PYY: variants seen among roughly 807,000 people sequenced by gnomAD.
PYY encodes the protein peptide YY.
Under a neutral mutation model 10.3 loss-of-function variants are expected in PYY, and 12 were observed. The ratio of observed to expected loss-of-function variants is 1.17; its 90% CI spans 0.75 to 1.89. PYY has a LOEUF of 1.89. Among genes scored for constraint, PYY ranks in the 40% most tolerant of loss-of-function variants. PYY has a pLI of 0.00. For synonymous variants in PYY, 66 were observed against 62.0 expected, an observed-to-expected ratio of 1.06 and a Z score of -0.30; for missense variants, 141 against 134.0, an observed-to-expected ratio of 1.05 and a Z score of -0.26.
At chr17:43,971,882 T>C (rs2048796356) in intron 1 of PYY, among the ~76,000 whole-genome samples, 1 of 152,074 alleles carries the variant, frequency 6.6e-6, no homozygotes, top group South Asian at 2.1e-4. Flanking sequence ...TTATCAATTG[T>C]TCTCTTTTGT....
At chr17:43,957,933 C>G (rs757253746), upstream of PYY, 2 of 154,666 alleles carry the variant, frequency 1.3e-5, no homozygotes, top group Non-Finnish European at 2.9e-5. Context: ...AGCTCTCCCT[C>G]TTACCTGAAG....
At chr17:43,953,694 TCCCCAC>T (rs1178145880) in intron 1 of PYY, among the ~76,000 whole-genome samples, 150 bp downstream of exon 1, 1 of 150,946 alleles carries the variant, frequency 6.6e-6, no homozygotes, top group Non-Finnish European at 1.5e-5. Flanking sequence ...CCTGCCTGCC[TCCCCAC>T]CCCCACCCCC....
At chr17:43,978,300 T>TGGAA (rs147178283) in intron 1 of PYY, among the ~76,000 whole-genome samples, 18 of 127,130 alleles carry the variant, frequency 1.4e-4, no homozygotes, top group African/African-American at 1.4e-4. Context: ...GGAAGAAGGA[T>TGGAA]GGAAGGAAGG....
upstream of PYY, among the ~76,000 whole-genome samples, chr17:43,954,610 G>A (rs2048660218): frequency 6.6e-6 from 1 of 152,166 alleles, no homozygotes; most frequent in Admixed American, 6.5e-5. Context: ...GCCAGAAGCA[G>A]CTGAGTCGGC....
intron 2 of PYY, among the ~76,000 whole-genome samples, chr17:43,963,580 AAG>A (rs1483929606): frequency 3.9e-5 from 3 of 76,128 alleles, no homozygotes; most frequent in Non-Finnish European, 5.9e-5. Context: ...AAAAGAAAGA[AAG>A]AAAGAAAGAA....
intron 1 of PYY, among the ~76,000 whole-genome samples, chr17:43,967,947 A>G (rs1567929337): frequency 6.6e-6 from 1 of 152,162 alleles, no homozygotes. Flanking sequence ...AAGGTCTAGC[A>G]CTGAGAGAGA....
At chr17:43,953,227 C>T in intron 2 of PYY, 38 bp from the exon 3 acceptor site, 2 of 1,611,178 alleles carry the variant, frequency 1.2e-6, no homozygotes, top group South Asian at 2.2e-5. Flanking sequence ...TCAGATCTGG[C>T]CACGCCCCCA....
Position 43,952,971 on chromosome 17 carries a change from G to T in PYY, c.279C>A (p.Gly93=). ...TCAGGGGTCCTCACCACAGGTCTGG[G>T]CCCTCCGACCTGCGGAAGCGAAGGG... ...EDRPVRSRSE[G]PDLW is the part of the protein sequence containing the mutation. Residue 93 remains glycine (G), a synonymous_variant, in exon 4 of 4, where the codon GGC becomes GGA. Coordinates refer to ENST00000692052, the MANE Select transcript of PYY (RefSeq NM_001394028.1). The T allele has an allele frequency of 6.4e-7, 1 of 1,566,214 alleles. No individual in the cohort carries two copies.
intron 1 of PYY, among the ~76,000 whole-genome samples, chr17:43,984,826 G>A (rs1022978118): frequency 3.4e-4 from 52 of 152,160 alleles, no homozygotes; most frequent in African/African-American, 1.2e-3. Flanking sequence ...TCTACACCAG[G>A]GCTTGAGCGG....
At chr17:43,963,747 C>A (rs764952562) in intron 2 of PYY, among the ~76,000 whole-genome samples, 2 of 151,792 alleles carry the variant, frequency 1.3e-5, no homozygotes, top group African/African-American at 4.8e-5. Flanking sequence ...GTGGGTGGAT[C>A]GCTTGAGCCC....
Position 43,953,358 on chromosome 17 carries a change from C to A in PYY, c.126G>T (p.Pro42=). ...AGGCGTAGTAGCGGTTCAGCTCCTC[C>A]GGCGAGGCGTCTTCGCGGGGAGCCT... The part of the protein sequence containing the change: ...KPEAPREDAS[P]EELNRYYASL... The change falls in exon 2 of 4, where the codon CCG becomes CCT. Residue 42 remains proline, a synonymous_variant. Transcript: ENST00000692052. The A allele has an allele frequency of 6.2e-7, 1 of 1,612,340 alleles. No individual in the cohort carries two copies. Among genetic ancestry groups the A allele is most frequent in the African/African-American group, 1.3e-5 (1 of 75,032 alleles).
At chr17:43,963,614 G>GAAAGAAAGAA (rs2048732289) in intron 2 of PYY, among the ~76,000 whole-genome samples, 1 of 79,986 alleles carries the variant, frequency 1.3e-5, no homozygotes. Flanking sequence ...AAGAAAGAAA[G>GAAAGAAAGAA]AAAGAAAGAA....
intron 1 of PYY, among the ~76,000 whole-genome samples, chr17:43,971,703 G>A (rs1308135313): frequency 6.7e-6 from 1 of 148,354 alleles, no homozygotes; most frequent in Non-Finnish European, 1.5e-5. Context: ...TAAGTGGGTT[G>A]TTGGTTTTCT....
chr17:44,002,515 G>A (rs944610351), intron 1 of PYY, among the ~76,000 whole-genome samples: 3 of 152,198 alleles, frequency 2.0e-5, no homozygotes, highest in African/African-American at 7.2e-5. Flanking sequence ...ACAACAGAGG[G>A]TCTGACTGGA....
chr17:43,979,112 C>T (rs2700836), intron 1 of PYY, among the ~76,000 whole-genome samples: 143,074 of 152,284 alleles, frequency 0.94, 67,239 homozygotes, highest in East Asian at 1. Context: ...GCTTTTTACA[C>T]GAGGGAAAAA....
At chr17:43,976,383 ATGTATACATATACGTATATACATATT>A (rs1439809198) in intron 1 of PYY, among the ~76,000 whole-genome samples, 2 of 150,692 alleles carry the variant, frequency 1.3e-5, no homozygotes, top group African/African-American at 4.9e-5. Flanking sequence ...ATACACATAC[ATGTATACATATACGTATATACATATT>A]CATGTATACA....
chr17:43,997,298 C>T (rs1310400643), intron 1 of PYY, among the ~76,000 whole-genome samples: 2 of 152,048 alleles, frequency 1.3e-5, no homozygotes, highest in Non-Finnish European at 2.9e-5. Context: ...CTTGGCCTCC[C>T]GAAGTGCTGA....
At chr17:43,960,244 A>T (rs1028791291) in intron 2 of PYY, among the ~76,000 whole-genome samples, 1 of 152,120 alleles carries the variant, frequency 6.6e-6, no homozygotes. Flanking sequence ...ACCCATCTAC[A>T]TGGTTTAAGA....
At chr17:43,983,552 C>T (rs2048896544) in intron 1 of PYY, among the ~76,000 whole-genome samples, 1 of 152,176 alleles carries the variant, frequency 6.6e-6, no homozygotes, top group African/African-American at 2.4e-5. Context: ...CTACAGGGGG[C>T]ACTGCAGGGA....
Sources: gnomAD v4.1 joint callset for allele counts (sites outside exome capture counted in the v4.1 genomes callset) on GRCh38, gnomAD v4.1.1 for gene constraint, MANE v1.5 for transcripts, NCBI Gene and HGNC (gene_info 2026-07-23, HGNC 2026-07-21) for gene names.